Variants in LDB2 observed in about 807,000 individuals in gnomAD.
LDB2 encodes the protein LIM domain-binding protein 2.
Under a neutral mutation model 44.3 loss-of-function variants are expected in LDB2, and 12 were observed. That is an observed-to-expected ratio of 0.27 (90% CI 0.17 to 0.44). LDB2 has a LOEUF of 0.44. Among genes scored for constraint, LDB2 ranks in the 20% least tolerant of loss-of-function variants. The probability of loss-of-function intolerance (pLI) is 1.00; values close to 1 mark genes in which losing one functional copy is unlikely to be tolerated. For missense variants in LDB2, 344 were observed against 473.5 expected (o/e 0.73, Z 2.54); for synonymous variants, 164 against 174.8 (o/e 0.94, Z 0.49).
intron 1 of LDB2, among the ~76,000 whole-genome samples, chr4:16,813,436 T>A (rs556367329): frequency 6.6e-6 from 1 of 152,308 alleles, no homozygotes; most frequent in South Asian, 2.1e-4. Flanking sequence ...AATATTATTA[T>A]TATCTTTAGA....
At chr4:16,809,495 C>A (rs1158479449) in intron 1 of LDB2, among the ~76,000 whole-genome samples, 4 of 152,288 alleles carry the variant, frequency 2.6e-5, no homozygotes, top group Middle Eastern at 3.4e-3. Flanking sequence ...TTACTATACA[C>A]TAAGACCTTT....
At chr4:16,865,724 G>A (rs1303715718) in intron 1 of LDB2, among the ~76,000 whole-genome samples, 1 of 152,206 alleles carries the variant, frequency 6.6e-6, no homozygotes, top group African/African-American at 2.4e-5. Flanking sequence ...TCACTCTGGG[G>A]ATAATCCAAT....
chr4:16,691,969 A>G (rs1478544204), intron 2 of LDB2, among the ~76,000 whole-genome samples: 5 of 152,144 alleles, frequency 3.3e-5, no homozygotes, highest in African/African-American at 4.8e-5. Flanking sequence ...GCGATTACAC[A>G]AAGTTGAATG....
chr4:16,849,225 T>C (rs1041321692), intron 1 of LDB2, among the ~76,000 whole-genome samples: 8 of 152,316 alleles, frequency 5.3e-5, no homozygotes, highest in African/African-American at 1.9e-4. Flanking sequence ...TGGCTTCTTC[T>C]CAAAAATGTC....
chr4:16,785,673 A>T (rs1236351131), intron 1 of LDB2, among the ~76,000 whole-genome samples: 3 of 152,144 alleles, frequency 2.0e-5, no homozygotes, highest in Admixed American at 6.5e-5. Context: ...GGTGGCATGG[A>T]CAACATATTT....
At chr4:16,814,017 G>A (rs531467898) in intron 1 of LDB2, among the ~76,000 whole-genome samples, 65 of 151,878 alleles carry the variant, frequency 4.3e-4, no homozygotes, top group South Asian at 6.2e-4. Flanking sequence ...GACTACAGGC[G>A]CCCACCACCA....
chr4:16,573,953 CA>C (rs1318826865), intron 5 of LDB2, among the ~76,000 whole-genome samples: 7 of 152,108 alleles, frequency 4.6e-5, no homozygotes, highest in Non-Finnish European at 8.8e-5. Context: ...AAATAAGAAA[CA>C]AAAAACCTCG....
chr4:16,575,356 TA>T (rs920151322), intron 5 of LDB2, among the ~76,000 whole-genome samples: 28 of 151,910 alleles, frequency 1.8e-4, no homozygotes, highest in African/African-American at 6.0e-4. Flanking sequence ...ACATAATGCT[TA>T]AAAAAAATAA....
intron 1 of LDB2, among the ~76,000 whole-genome samples, chr4:16,770,456 A>C (rs1009208804): frequency 2.6e-4 from 40 of 152,306 alleles, no homozygotes; most frequent in African/African-American, 8.7e-4. Flanking sequence ...TTGATGACTG[A>C]ATCAGTGAAA....
intron 5 of LDB2, among the ~76,000 whole-genome samples, chr4:16,517,127 G>A (rs188421917): frequency 3.3e-5 from 5 of 152,256 alleles, no homozygotes; most frequent in African/African-American, 7.2e-5. Context: ...AGTCAAATCC[G>A]TTGGGAGCTG....
At chr4:16,611,833 G>A (rs537675374) in intron 2 of LDB2, among the ~76,000 whole-genome samples, 1 of 152,146 alleles carries the variant, frequency 6.6e-6, no homozygotes, top group Admixed American at 6.5e-5. Context: ...AGGATATCCA[G>A]GACTTTTACT....
chr4:16,658,881 A>G (rs1162571231), intron 2 of LDB2, among the ~76,000 whole-genome samples: 1 of 152,198 alleles, frequency 6.6e-6, no homozygotes, highest in East Asian at 1.9e-4. Context: ...AGTTTGCCCA[A>G]GGTCTCGAAA....
chr4:16,760,757 A>T (rs1402116944), intron 1 of LDB2, among the ~76,000 whole-genome samples: 1 of 152,190 alleles, frequency 6.6e-6, no homozygotes, highest in Non-Finnish European at 1.5e-5. Flanking sequence ...CACGTCCTCA[A>T]TGCTCTGGAA....
chr4:16,535,941 G>A (rs1299942804), intron 5 of LDB2, among the ~76,000 whole-genome samples: 1 of 152,210 alleles, frequency 6.6e-6, no homozygotes, highest in African/African-American at 2.4e-5. Flanking sequence ...CCACTGCACT[G>A]TGCTGCTATC....
chr4:16,559,371 T>C (rs1341281838), intron 5 of LDB2, among the ~76,000 whole-genome samples: 1 of 151,930 alleles, frequency 6.6e-6, no homozygotes, highest in East Asian at 1.9e-4. Flanking sequence ...TGGAGGAAGA[T>C]CTACCAAGCC....
At position 16,502,461 on chromosome 4, in the gene LDB2, G is replaced by T; in HGVS notation, c.*182C>A. 3 of 837,508 alleles carry T rather than the reference G, an allele frequency of 3.6e-6. No homozygotes were observed. Among genetic ancestry groups the T allele is most frequent in the African/African-American group, 1.7e-5 (1 of 58,438 alleles). The allele number at this position is 837,508 out of a possible 1,614,324, so 51.9% of individuals were successfully genotyped here. On this transcript the variant is annotated 3_prime_UTR_variant, in exon 8 of 8. Transcript: ENST00000304523. ...CAAGAAAGGGTCATGGAAGCTTACT[G>T]GGAATAATCCTCTCAATTAGAAAAA... is the stretch of plus-strand genomic sequence containing the variant.
intron 1 of LDB2, among the ~76,000 whole-genome samples, chr4:16,841,408 C>T (rs1027142764): frequency 6.6e-6 from 1 of 152,222 alleles, no homozygotes; most frequent in African/African-American, 2.4e-5. Flanking sequence ...GTTTATTCAA[C>T]ATTTCCCACC....
At chr4:16,807,927 A>C (rs1779088668) in intron 1 of LDB2, among the ~76,000 whole-genome samples, 1 of 152,176 alleles carries the variant, frequency 6.6e-6, no homozygotes, top group Non-Finnish European at 1.5e-5. Context: ...TTTCTGTTAG[A>C]ATTTAAATAT....
At chr4:16,563,652 G>T (rs1041715557) in intron 5 of LDB2, among the ~76,000 whole-genome samples, 3 of 150,708 alleles carry the variant, frequency 2.0e-5, no homozygotes, top group African/African-American at 7.3e-5. Context: ...TAGAGACCGG[G>T]TTTCACCATG....
Sources: gnomAD v4.1 joint callset for allele counts (sites outside exome capture counted in the v4.1 genomes callset) on GRCh38, gnomAD v4.1.1 for gene constraint, MANE v1.5 for transcripts, NCBI Gene and HGNC (gene_info 2026-07-23, HGNC 2026-07-21) for gene names.